ZFHX3: variants seen among roughly 807,000 people sequenced by gnomAD.
The protein encoded by ZFHX3 is zinc finger homeobox 3, also known as zinc finger homeobox protein 3.
Under a neutral mutation model 279.1 loss-of-function variants are expected in ZFHX3, and 42 were observed. The observed-to-expected ratio is 0.15, with a 90% confidence interval of 0.12 to 0.19. The LOEUF (loss-of-function observed/expected upper bound fraction) is 0.19. Ranked by LOEUF, ZFHX3 falls within the 10% of genes least tolerant of loss-of-function variation. The pLI is 1.00. For synonymous variants in ZFHX3, 2,293 were observed against 1,957.8 expected (o/e 1.17, Z -4.52); for missense variants, 4,981 against 4,754.0 (o/e 1.05, Z -1.40).
intron 2 of ZFHX3, among the ~76,000 whole-genome samples, chr16:73,463,505 T>C (rs1345871): frequency 0.11 from 16,312 of 152,258 alleles, 1,230 homozygotes; most frequent in East Asian, 0.25. Flanking sequence ...TCGTTTCTGG[T>C]ATAACCTGTG....
At chr16:73,578,369 C>T (rs2051822665) in intron 2 of ZFHX3, among the ~76,000 whole-genome samples, 2 of 137,368 alleles carry the variant, frequency 1.5e-5, no homozygotes, top group South Asian at 2.5e-4. Flanking sequence ...GCTCAAGTTT[C>T]GTAGATGTTA....
intron 2 of ZFHX3, among the ~76,000 whole-genome samples, chr16:73,623,533 A>C (rs1235775040): frequency 6.6e-6 from 1 of 152,192 alleles, no homozygotes; most frequent in Non-Finnish European, 1.5e-5. Flanking sequence ...ATTCCAGAAA[A>C]ATACATTGGC....
chr16:72,804,654 C>G (rs1474901495), intron 7 of ZFHX3, among the ~76,000 whole-genome samples: 1 of 152,142 alleles, frequency 6.6e-6, no homozygotes, highest in Non-Finnish European at 1.5e-5. Context: ...GCCTCAAGGG[C>G]ACACCTTATA....
At chr16:73,682,890 G>GAAAGAAAGA (rs1293008945) in intron 1 of ZFHX3, among the ~76,000 whole-genome samples, 3 of 46,128 alleles carry the variant, frequency 6.5e-5, no homozygotes, top group African/African-American at 2.7e-4. Context: ...AAGAAAGAAA[G>GAAAGAAAGA]AAAGAAAGAA....
intron 4 of ZFHX3, among the ~76,000 whole-genome samples, chr16:73,270,393 T>C (rs1427928431): frequency 6.6e-6 from 1 of 152,204 alleles, no homozygotes; most frequent in Admixed American, 6.5e-5. Context: ...CGACCACTGA[T>C]GTGCGTGGAG....
intron 1 of ZFHX3, among the ~76,000 whole-genome samples, chr16:73,044,342 A>G (rs1316404536): frequency 6.6e-6 from 1 of 152,222 alleles, no homozygotes; most frequent in African/African-American, 2.4e-5. Context: ...TAGGAACCAG[A>G]GCAAGCCAAC....
chr16:73,335,021 A>G (rs537644321), intron 3 of ZFHX3, among the ~76,000 whole-genome samples: 171 of 152,008 alleles, frequency 1.1e-3, no homozygotes, highest in African/African-American at 4.0e-3. Flanking sequence ...GGTAAATTCA[A>G]TTAGCAAATG....
At chr16:72,965,753 T>C (rs1016871674) in intron 1 of ZFHX3, among the ~76,000 whole-genome samples, 6 of 152,224 alleles carry the variant, frequency 3.9e-5, no homozygotes, top group South Asian at 4.1e-4. Flanking sequence ...TTAATGGATA[T>C]GGAAATACTT....
intron 3 of ZFHX3, among the ~76,000 whole-genome samples, chr16:73,341,132 G>A (rs1451175925): frequency 1.3e-5 from 2 of 152,124 alleles, no homozygotes; most frequent in African/African-American, 4.8e-5. Flanking sequence ...CATGAGGTCA[G>A]GAGTTCAAGA....
intron 7 of ZFHX3, among the ~76,000 whole-genome samples, chr16:73,115,936 T>G (rs556695786): frequency 6.6e-6 from 1 of 152,010 alleles, no homozygotes; most frequent in South Asian, 2.1e-4. Context: ...CTGACCAACA[T>G]CATGGAGAAA....
intron 3 of ZFHX3, among the ~76,000 whole-genome samples, chr16:73,347,374 GC>G (rs2143274502): frequency 6.6e-6 from 1 of 152,360 alleles, no homozygotes; most frequent in Non-Finnish European, 1.5e-5. Context: ...ATGGTGTCCA[GC>G]TTTGTTGGGA....
intron 8 of ZFHX3, 63 bp from the exon 9 acceptor site, chr16:72,798,777 C>T: frequency 6.7e-7 from 1 of 1,499,048 alleles, no homozygotes; most frequent in Non-Finnish European, 8.8e-7. Flanking sequence ...AAGGATGGCA[C>T]CCAGAGCGGT....
At chr16:73,783,389 T>C (rs1959537594) in intron 1 of ZFHX3, among the ~76,000 whole-genome samples, 1 of 152,204 alleles carries the variant, frequency 6.6e-6, no homozygotes, top group Non-Finnish European at 1.5e-5. Context: ...CCCCAGTGTA[T>C]GTCCCCAAAA....
intron 4 of ZFHX3, among the ~76,000 whole-genome samples, chr16:72,833,029 G>C (rs910670849): frequency 6.6e-6 from 1 of 152,220 alleles, no homozygotes; most frequent in Non-Finnish European, 1.5e-5. Flanking sequence ...AAAAAACAGA[G>C]ATGCAAACTG....
At chr16:73,019,873 G>T (rs1567636140) in intron 1 of ZFHX3, among the ~76,000 whole-genome samples, 2 of 152,174 alleles carry the variant, frequency 1.3e-5, no homozygotes, top group Non-Finnish European at 2.9e-5. Flanking sequence ...TAAGAAAAAT[G>T]AGAGAGCGGG....
chr16:73,561,146 G>A (rs1034812894), intron 2 of ZFHX3, among the ~76,000 whole-genome samples: 2 of 152,118 alleles, frequency 1.3e-5, no homozygotes, highest in African/African-American at 4.8e-5. Flanking sequence ...ATTTTTATTT[G>A]CTAAATCTGA....
chr16:73,217,828 A>G (rs1241968916), intron 5 of ZFHX3, among the ~76,000 whole-genome samples: 2 of 152,066 alleles, frequency 1.3e-5, no homozygotes, highest in Non-Finnish European at 2.9e-5. Flanking sequence ...TTGGGGCTCC[A>G]AGGCGGTCCA....
chr16:73,229,655 A>T (rs530159069), intron 5 of ZFHX3, among the ~76,000 whole-genome samples: 1 of 152,314 alleles, frequency 6.6e-6, no homozygotes, highest in African/African-American at 2.4e-5. Flanking sequence ...TTCAAAAGGG[A>T]CTAGTAACTC....
At chr16:73,837,292 T>A (rs1276024669) in intron 1 of ZFHX3, among the ~76,000 whole-genome samples, 1 of 152,190 alleles carries the variant, frequency 6.6e-6, no homozygotes, top group Non-Finnish European at 1.5e-5. Flanking sequence ...TGATACAATA[T>A]CCCTGTAAAC....
Sources: gnomAD v4.1 joint callset for allele counts (sites outside exome capture counted in the v4.1 genomes callset) on GRCh38, gnomAD v4.1.1 for gene constraint, MANE v1.5 for transcripts, NCBI Gene and HGNC (gene_info 2026-07-23, HGNC 2026-07-21) for gene names.